The following KIAA0825 variants were observed in gnomAD, a reference collection of about 807,000 sequenced individuals.
KIAA0825 encodes the protein uncharacterized protein KIAA0825.
In KIAA0825, 119 loss-of-function variants were observed where a neutral mutation model predicts 147.6. The observed-to-expected ratio is 0.81, with a 90% CI of 0.69 to 0.94. KIAA0825 has a LOEUF of 0.94. Among genes scored for constraint, KIAA0825 ranks in the 40% least tolerant of loss-of-function variants. The pLI, the probability that KIAA0825 is intolerant of heterozygous loss-of-function variation, is 0.00. For synonymous variants in KIAA0825, 470 were observed against 518.1 expected (o/e 0.91, Z 1.26); for missense variants, 1,381 against 1,472.7 (o/e 0.94, Z 1.02).
At chr5:94,322,443 G>A (rs557818104) in intron 20 of KIAA0825, among the ~76,000 whole-genome samples, 8 of 151,848 alleles carry the variant, frequency 5.3e-5, no homozygotes, top group South Asian at 2.1e-4. Context: ...GCCAACATCC[G>A]TTAAACATAT....
At chr5:94,318,296 A>G in intron 20 of KIAA0825, among the ~76,000 whole-genome samples, 1 of 151,874 alleles carries the variant, frequency 6.6e-6, no homozygotes, top group East Asian at 1.9e-4. Flanking sequence ...ATTATATGAT[A>G]GATATAAAAT....
rs1482502748 is a variant in KIAA0825, at chr5:94,439,538, CTTGT to C, written c.2497+440_2497+443del. Among the ~76,000 whole-genome samples the C allele has an allele frequency of 3.5e-5, 5 of 143,646 alleles. 1 individual carries two copies. The highest frequency in any genetic ancestry group is 3.4e-4 in the Admixed American group (5 of 14,714). 94.2% of individuals were successfully genotyped at this position (143,646 alleles called of 152,430 possible). On this transcript the variant is annotated intron_variant, in intron 14 of 20. Transcript: ENST00000682413. ...GGATATAGCTGTAGGCCACATCTTGCTTGTTTGTAAGTTGCACAAGCACCCTTCG... is the reference window on the plus strand; with the variant it reads ...GGATATAGCTGTAGGCCACATCTTGCTTGTAAGTTGCACAAGCACCCTTCG...
intron 14 of KIAA0825, among the ~76,000 whole-genome samples, chr5:94,430,876 G>T (rs1755571242): frequency 6.6e-6 from 1 of 152,156 alleles, no homozygotes; most frequent in Admixed American, 6.5e-5. Context: ...TATATGCAAA[G>T]ATTCTCAAGG....
intron 5 of KIAA0825, among the ~76,000 whole-genome samples, chr5:94,509,392 T>C (rs1056235027): frequency 1.1e-4 from 17 of 152,202 alleles, no homozygotes; most frequent in African/African-American, 3.9e-4. Context: ...TTGTTAGTTA[T>C]GGTCATAAAT....
intron 5 of KIAA0825, chr5:94,519,280 A>C (rs1218456526): frequency 1.1e-6 from 1 of 903,910 alleles, no homozygotes. Context: ...GAATTTTAAA[A>C]AGATGATCAT....
chr5:94,300,962 A>G (rs1202922915), intron 20 of KIAA0825, among the ~76,000 whole-genome samples: 1 of 151,040 alleles, frequency 6.6e-6, no homozygotes, highest in Non-Finnish European at 1.5e-5. Context: ...CTGGTCTTCT[A>G]TATGGATAGG....
chr5:94,296,267 G>A (rs981110733), intron 20 of KIAA0825, among the ~76,000 whole-genome samples: 2 of 152,042 alleles, frequency 1.3e-5, no homozygotes, highest in Non-Finnish European at 2.9e-5. Flanking sequence ...CACCAAGCTC[G>A]AGCATTCCAG....
chr5:94,523,857 C>T (rs574483092), intron 4 of KIAA0825, 73 bp downstream of exon 4: 37 of 985,316 alleles, frequency 3.8e-5, no homozygotes, highest in Non-Finnish European at 4.2e-5. Flanking sequence ...TAAATATTTA[C>T]GTATAGAAAT....
intron 2 of KIAA0825, among the ~76,000 whole-genome samples, chr5:94,580,232 CAAG>C (rs1208277245): frequency 2.0e-5 from 3 of 152,068 alleles, no homozygotes; most frequent in Admixed American, 6.5e-5. Context: ...GTGTTTCAAT[CAAG>C]AAGAAGATGA....
intron 20 of KIAA0825, among the ~76,000 whole-genome samples, chr5:94,186,329 G>T (rs1235004678): frequency 6.6e-6 from 1 of 151,994 alleles, no homozygotes. Context: ...ATTTATATAG[G>T]ATAGTATAGA....
intron 1 of KIAA0825, among the ~76,000 whole-genome samples, chr5:94,612,439 A>C (rs1789105621): frequency 6.6e-6 from 1 of 151,738 alleles, no homozygotes; most frequent in Non-Finnish European, 1.5e-5. Flanking sequence ...TTCTTACTCA[A>C]CTCTTCTTTC....
rs1439198566 is a variant in KIAA0825, at chr5:94,308,772, C to T, written c.3710+75596G>A. ...AATCAGGTGCTCAATCTTAAGAGGT[C>T]TTTCAGTCATTGCCCCTTTTGGTGG... On this transcript the variant is annotated intron_variant, in intron 20 of 20. Transcript: ENST00000682413. 4.0e-5 allele frequency among the ~76,000 whole-genome samples: 6 copies of T among 151,748 alleles called. No homozygotes were observed. The South Asian group carries it at 6.2e-4, about 16-fold the overall frequency.
At chr5:94,188,181 A>G (rs1770328192) in intron 20 of KIAA0825, among the ~76,000 whole-genome samples, 1 of 152,172 alleles carries the variant, frequency 6.6e-6, no homozygotes, top group South Asian at 2.1e-4. Context: ...AGGAGAAATA[A>G]ATGTTTGTTG....
intron 10 of KIAA0825, among the ~76,000 whole-genome samples, chr5:94,467,659 C>T (rs182151841): frequency 2.5e-3 from 381 of 152,324 alleles, no homozygotes; most frequent in Non-Finnish European, 4.3e-3. Flanking sequence ...CTTGCTATCA[C>T]AAAACATGAG....
chr5:94,485,466 G>A (rs772433317), intron 5 of KIAA0825, among the ~76,000 whole-genome samples: 18 of 151,776 alleles, frequency 1.2e-4, no homozygotes, highest in Non-Finnish European at 2.2e-4. Context: ...TCTGACTGAA[G>A]TCTACTATGC....
chr5:94,440,906 C>A (rs1455884468), intron 13 of KIAA0825, among the ~76,000 whole-genome samples: 2 of 151,884 alleles, frequency 1.3e-5, no homozygotes, highest in Admixed American at 6.6e-5. Flanking sequence ...AATGGGAAAT[C>A]AACTTACAAG....
intron 20 of KIAA0825, among the ~76,000 whole-genome samples, chr5:94,203,844 T>C (rs894495951): frequency 2.0e-5 from 3 of 152,176 alleles, no homozygotes; most frequent in African/African-American, 7.2e-5. Flanking sequence ...TGAGAAATAA[T>C]ATGTCAAACT....
intron 2 of KIAA0825, among the ~76,000 whole-genome samples, chr5:94,546,815 A>AT (rs1356889843): frequency 3.3e-5 from 5 of 151,022 alleles, no homozygotes; most frequent in African/African-American, 1.2e-4. Context: ...AAAAAAAAAA[A>AT]ATCCGCAAGC....
At chr5:94,307,853 G>A (rs1019845059) in intron 20 of KIAA0825, among the ~76,000 whole-genome samples, 6 of 151,682 alleles carry the variant, frequency 4.0e-5, no homozygotes, top group Admixed American at 3.3e-4. Context: ...AATATTGAAG[G>A]AAGGAGCATT....
Sources: gnomAD v4.1 joint callset for allele counts (sites outside exome capture counted in the v4.1 genomes callset) on GRCh38, gnomAD v4.1.1 for gene constraint, MANE v1.5 for transcripts, NCBI Gene and HGNC (gene_info 2026-07-23, HGNC 2026-07-21) for gene names.